The following NCMAP variants were observed in gnomAD, a reference collection of about 807,000 sequenced individuals.
The protein encoded by NCMAP is noncompact myelin-associated protein.
NCMAP carries 8 observed loss-of-function variants against 7.8 expected under a neutral mutation model. The ratio of observed to expected loss-of-function variants is 1.02; its 90% CI spans 0.60 to 1.84. NCMAP has a LOEUF of 1.84. NCMAP is among the 40% of genes most tolerant of loss of function. The probability of loss-of-function intolerance (pLI) is 0.00; values close to 1 mark genes in which losing one functional copy is unlikely to be tolerated. For missense variants in NCMAP, 112 were observed against 131.4 expected, an observed-to-expected ratio of 0.85 and a Z score of 0.72; for synonymous variants, 41 against 52.9, an observed-to-expected ratio of 0.78 and a Z score of 0.98.
chr1:24,573,459 G>T (rs1487521435), intron 1 of NCMAP, among the ~76,000 whole-genome samples: 7 of 150,634 alleles, frequency 4.6e-5, no homozygotes, highest in Admixed American at 1.3e-4. Context: ...GTGGCAGTGT[G>T]TGCCTGTAAT....
intron 1 of NCMAP, among the ~76,000 whole-genome samples, chr1:24,557,181 T>G (rs976132245): frequency 7.9e-5 from 12 of 152,148 alleles, no homozygotes; most frequent in Non-Finnish European, 1.5e-4. Flanking sequence ...GTGCCCAGCA[T>G]GCAGTAGGTC....
chr1:24,590,504 G>A (rs1652013156), intron 1 of NCMAP, among the ~76,000 whole-genome samples: 1 of 152,176 alleles, frequency 6.6e-6, no homozygotes, highest in Non-Finnish European at 1.5e-5. Flanking sequence ...ACTGAGGCAG[G>A]GCCGGCATCT....
intron 1 of NCMAP, among the ~76,000 whole-genome samples, chr1:24,568,583 G>T (rs1219172231): frequency 2.0e-5 from 3 of 152,074 alleles, no homozygotes; most frequent in African/African-American, 4.8e-5. Context: ...ATTATTATTA[G>T]TAGTAGTATT....
In NCMAP at chr1:24,576,975, C is replaced by T. The variant is rs1651580371; in HGVS notation, c.-7-18449C>T. Among the ~76,000 whole-genome samples, 1 of 151,638 alleles carries T rather than the reference C, an allele frequency of 6.6e-6. No individual in the cohort carries two copies. The highest frequency in any genetic ancestry group is 1.5e-5 in the Non-Finnish European group (1 of 67,890). ...AAATCCTGTCTCTACTAAAAGCACACACACACAAAAAAATTAGCTGGGCGT... is the reference window on the plus strand; with the variant it reads ...AAATCCTGTCTCTACTAAAAGCACATACACACAAAAAAATTAGCTGGGCGT... On this transcript the variant is annotated intron_variant, in intron 1 of 3. Transcript: ENST00000374392. This position sits in a 1 kb window ranked among gnomAD's most constrained non-coding sequence, Gnocchi z 4.0.
intron 1 of NCMAP, among the ~76,000 whole-genome samples, chr1:24,572,260 C>T (rs1452721883): frequency 6.6e-6 from 1 of 150,748 alleles, no homozygotes; most frequent in Admixed American, 6.6e-5. Flanking sequence ...ACACTGAGGG[C>T]GTTCCCCCAC....
intron 1 of NCMAP, among the ~76,000 whole-genome samples, chr1:24,583,488 C>T (rs1453446948): frequency 1.3e-5 from 2 of 152,002 alleles, no homozygotes; most frequent in Admixed American, 6.6e-5. Flanking sequence ...CCAAGGCGGG[C>T]GGATCACCTG....
At chr1:24,569,506 C>G (rs1187788826) in intron 1 of NCMAP, among the ~76,000 whole-genome samples, 1 of 150,460 alleles carries the variant, frequency 6.6e-6, no homozygotes, top group Non-Finnish European at 1.5e-5. Context: ...AAGTCCCAGT[C>G]AAATGATAAT....
In NCMAP at chr1:24,605,724, G is replaced by T. The variant is rs1403401811; in HGVS notation, c.286G>T (p.Asp96Tyr). 3.1e-6 allele frequency: 5 copies of T among 1,614,018 alleles called. No homozygotes were observed. In the Admixed American group the frequency reaches 8.3e-5, roughly 27 times the overall value. ...AGCAACTGTGACCTTCAGTCCTGTTGACGTCCAGGTGGAGACGCGATGACC... is the reference window on the plus strand; with the variant it reads ...AGCAACTGTGACCTTCAGTCCTGTTTACGTCCAGGTGGAGACGCGATGACC... ...HPATVTFSPV[D>Y]VQVETR Residue 96 changes from aspartate (D) to tyrosine (Y), a missense_variant, in exon 4 of 4, where the codon GAC (aspartate) becomes TAC (tyrosine). Coordinates refer to ENST00000374392, the MANE Select transcript of NCMAP (RefSeq NM_001010980.5).
intron 1 of NCMAP, among the ~76,000 whole-genome samples, chr1:24,559,957 C>G (rs1452462513): frequency 6.6e-6 from 1 of 152,014 alleles, no homozygotes; most frequent in East Asian, 1.9e-4. Context: ...GTCAGGAGAT[C>G]AAGACCATCC....
rs1414493728 is a variant in NCMAP, at chr1:24,608,912, C to T, written c.*3165C>T. The T allele has an allele frequency of 6.6e-6, 1 of 152,254 alleles. No individual in the cohort carries two copies. 9.4% of individuals were successfully genotyped at this position (152,254 alleles called of 1,614,324 possible). A position where few individuals can be genotyped will look rare whatever the true frequency, so the allele number is the denominator to read the frequency against. On this transcript the variant is annotated 3_prime_UTR_variant, in exon 4 of 4. Transcript: ENST00000374392. The stretch of plus-strand genomic sequence containing the variant: ...CCCTGTCTCAAAGCATATTTCAACC[C>T]TAAAACTAGACTCTTCTGCCCACAG...
intron 1 of NCMAP, among the ~76,000 whole-genome samples, chr1:24,578,101 A>G (rs776152013): frequency 5.4e-4 from 82 of 152,088 alleles, no homozygotes; most frequent in Non-Finnish European, 1.1e-3. Flanking sequence ...TGTTTGTACT[A>G]AAAATACAAA....
At chr1:24,556,668 A>G (rs4259580) in intron 1 of NCMAP, among the ~76,000 whole-genome samples, 58,195 of 151,712 alleles carry the variant, frequency 0.38, 11,806 homozygotes, top group African/African-American at 0.51. Context: ...GTTTCCATCC[A>G]CAGCACGTTT....
chr1:24,593,033 C>T (rs1652095552), intron 1 of NCMAP, among the ~76,000 whole-genome samples: 1 of 151,922 alleles, frequency 6.6e-6, no homozygotes, highest in Non-Finnish European at 1.5e-5. Flanking sequence ...TACAAAATAT[C>T]TGGATGTGGT....
chr1:24,604,042 G>A (rs1335135902), intron 3 of NCMAP, among the ~76,000 whole-genome samples: 1 of 152,196 alleles, frequency 6.6e-6, no homozygotes, highest in Non-Finnish European at 1.5e-5. Flanking sequence ...GCCAGAGAGA[G>A]CAAGAGATCA....
intron 1 of NCMAP, among the ~76,000 whole-genome samples, chr1:24,565,318 T>G (rs1392464626): frequency 6.6e-6 from 1 of 151,662 alleles, no homozygotes; most frequent in Non-Finnish European, 1.5e-5. Context: ...GACACATACA[T>G]CCTGGATCCA....
chr1:24,569,619 A>G (rs1160346499), intron 1 of NCMAP, among the ~76,000 whole-genome samples: 1 of 150,762 alleles, frequency 6.6e-6, no homozygotes, highest in Admixed American at 6.6e-5. Flanking sequence ...TGCCGCTTTC[A>G]CTGGCTGTGT....
intron 1 of NCMAP, among the ~76,000 whole-genome samples, chr1:24,575,166 G>A (rs922892776): frequency 2.6e-5 from 4 of 151,866 alleles, no homozygotes; most frequent in Non-Finnish European, 4.4e-5. Flanking sequence ...ACCCGAGATC[G>A]TGCCACTGCA....
At chr1:24,558,966 A>G (rs952397634) in intron 1 of NCMAP, among the ~76,000 whole-genome samples, 4 of 135,460 alleles carry the variant, frequency 3.0e-5, no homozygotes, top group African/African-American at 1.4e-4. Context: ...TTAATTTCTT[A>G]AAAAAAAAAC....
At chr1:24,582,177 C>G (rs146910351) in intron 1 of NCMAP, among the ~76,000 whole-genome samples, 1 of 152,158 alleles carries the variant, frequency 6.6e-6, no homozygotes, top group Non-Finnish European at 1.5e-5. Context: ...CTGCACACAT[C>G]GGATCCACCT....
Sources: gnomAD v4.1 joint callset for allele counts (sites outside exome capture counted in the v4.1 genomes callset) on GRCh38, gnomAD v4.1.1 for gene constraint, Gnocchi (gnomAD v3.1) non-coding constraint, MANE v1.5 for transcripts, NCBI Gene and HGNC (gene_info 2026-07-23, HGNC 2026-07-21) for gene names.